IPMK: variants seen among roughly 807,000 people sequenced by gnomAD.
The protein encoded by IPMK is inositol 1,3,4,6-tetrakisphosphate 5-kinase.
IPMK carries 17 observed loss-of-function variants against 45.8 expected under a neutral mutation model. The observed-to-expected ratio is 0.37, with a 90% confidence interval of 0.25 to 0.56. The LOEUF is 0.56. IPMK is among the 20% of genes least tolerant of loss of function. The pLI is 0.79. For missense variants in IPMK, 399 were observed against 498.0 expected (o/e 0.80, Z 1.89); for synonymous variants, 180 against 184.3 (o/e 0.98, Z 0.19).
intron 3 of IPMK, among the ~76,000 whole-genome samples, chr10:58,217,662 T>C (rs954239249): frequency 8.9e-5 from 9 of 101,248 alleles, no homozygotes; most frequent in Non-Finnish European, 1.4e-4. Flanking sequence ...CACTCCAGCC[T>C]GGGCAACAAG....
intron 2 of IPMK, among the ~76,000 whole-genome samples, chr10:58,230,270 T>TCCC (rs1838493016): frequency 1.3e-5 from 2 of 152,150 alleles, no homozygotes; most frequent in South Asian, 4.1e-4. Flanking sequence ...GACTTAAACG[T>TCCC]CCCTGTCTGA....
At chr10:58,215,221 T>TTAGACCATCTATACCCAGC (rs1838226305) in intron 4 of IPMK, among the ~76,000 whole-genome samples, 1 of 152,172 alleles carries the variant, frequency 6.6e-6, no homozygotes, top group Non-Finnish European at 1.5e-5. Flanking sequence ...GAGAGTCATT[T>TTAGACCATCTATACCCAGC]TAGACCATCT....
intron 1 of IPMK, among the ~76,000 whole-genome samples, chr10:58,247,351 C>G (rs1259640425): frequency 6.6e-6 from 1 of 151,416 alleles, no homozygotes; most frequent in African/African-American, 2.5e-5. Flanking sequence ...AAGACACATG[C>G]ACACGTATGT....
chr10:58,249,188 T>A (rs1163108831), intron 1 of IPMK, among the ~76,000 whole-genome samples: 2 of 152,188 alleles, frequency 1.3e-5, no homozygotes, highest in Non-Finnish European at 2.9e-5. Context: ...CTTGGCAGCA[T>A]CTGCTATCCT....
chr10:58,216,538 A>G (rs1284520578), intron 3 of IPMK, among the ~76,000 whole-genome samples: 4 of 151,906 alleles, frequency 2.6e-5, no homozygotes, highest in African/African-American at 4.8e-5. Context: ...GGTGAATTAA[A>G]TAAATTCAAC....
intron 3 of IPMK, among the ~76,000 whole-genome samples, chr10:58,226,092 T>A (rs1838411268): frequency 6.6e-6 from 1 of 152,158 alleles, no homozygotes; most frequent in African/African-American, 2.4e-5. Context: ...AGAGGAATCA[T>A]AAATACTCAA....
chr10:58,253,842 T>C (rs898247492), intron 1 of IPMK, among the ~76,000 whole-genome samples: 12 of 152,114 alleles, frequency 7.9e-5, no homozygotes, highest in African/African-American at 2.7e-4. Flanking sequence ...CCTCCCTTCC[T>C]TCGAATATAG....
At chr10:58,222,138 G>C (rs766352485) in intron 3 of IPMK, among the ~76,000 whole-genome samples, 1 of 152,048 alleles carries the variant, frequency 6.6e-6, no homozygotes, top group South Asian at 2.1e-4. Context: ...TCCTACCTTC[G>C]CCTCCCAAAG....
intron 2 of IPMK, among the ~76,000 whole-genome samples, chr10:58,233,899 G>T (rs1455284989): frequency 6.6e-6 from 1 of 152,168 alleles, no homozygotes; most frequent in Non-Finnish European, 1.5e-5. Context: ...TAGATGACAT[G>T]ATTGTATATT....
At chr10:58,254,741 C>T (rs1180702516) in intron 1 of IPMK, among the ~76,000 whole-genome samples, 6 of 152,180 alleles carry the variant, frequency 3.9e-5, no homozygotes, top group African/African-American at 1.4e-4. Context: ...CCTGTTGTTT[C>T]TTCCTGTTCA....
intron 4 of IPMK, among the ~76,000 whole-genome samples, chr10:58,207,413 T>C (rs1451897672): frequency 1.3e-5 from 2 of 152,226 alleles, no homozygotes. Context: ...TTCTTTTCCT[T>C]TGGGTACCCA....
Position 58,208,911 on chromosome 10 carries a change from G to A in IPMK, c.546+7234C>T, listed in dbSNP as rs139071377. Among the ~76,000 whole-genome samples the A allele has an allele frequency of 8.5e-3, 1,298 of 152,274 alleles. 16 individuals carry two copies. Among genetic ancestry groups the A allele is most frequent in the African/African-American group, 0.029 (1,209 of 41,546 alleles). ...CAGCCTTGATGAGGGTAGCTGGGGT[G>A]GCTCTCAATTAGATGTGCTGAGGAT... is the stretch of plus-strand genomic sequence containing the variant. On this transcript the variant is annotated intron_variant, in intron 4 of 5. Transcript: ENST00000373935.
At chr10:58,243,526 C>A (rs1838731084) in intron 1 of IPMK, among the ~76,000 whole-genome samples, 1 of 152,182 alleles carries the variant, frequency 6.6e-6, no homozygotes, top group East Asian at 1.9e-4. Flanking sequence ...CGTGCCGCCA[C>A]TCCTGACTGG....
At chr10:58,260,293 A>T (rs995174933) in intron 1 of IPMK, among the ~76,000 whole-genome samples, 1 of 152,264 alleles carries the variant, frequency 6.6e-6, no homozygotes, top group East Asian at 1.9e-4. Flanking sequence ...AGTGCTCCCG[A>T]TAACAGGAAA....
chr10:58,261,733 C>G (rs1261434339), intron 1 of IPMK, among the ~76,000 whole-genome samples: 1 of 152,072 alleles, frequency 6.6e-6, no homozygotes, highest in African/African-American at 2.4e-5. Context: ...TAGGCGCCAC[C>G]AACACATCCG....
chr10:58,264,719 A>T (rs974836161), intron 1 of IPMK, among the ~76,000 whole-genome samples: 1 of 152,342 alleles, frequency 6.6e-6, no homozygotes. Context: ...ATGATTACAG[A>T]AATAGTTAAA....
Position 58,267,545 on chromosome 10 carries a change from G to C in IPMK, c.67C>G (p.Pro23Ala). The C allele has an allele frequency of 6.2e-7, 1 of 1,611,760 alleles. No individual in the cohort carries two copies. The highest frequency in any genetic ancestry group is 8.5e-7 in the Non-Finnish European group (1 of 1,179,186). ...CCCTCAGGGGTGGACTCGATCGCCG[G>C]TGAGGTCCGCATTTCTGGGGGGCCC... ...APGPPEMRTS[P>A]AIESTPEGTP... Residue 23 changes from proline (P) to alanine (A), a missense_variant, in exon 1 of 6, where the codon CCG (proline) becomes GCG (alanine). By Grantham distance (27) the Pro-to-Ala change is conservative. This residue lies in a region of IPMK where 111 missense variants were observed against 99.9 expected (regional missense o/e 1.11). Coordinates refer to ENST00000373935, the MANE Select transcript of IPMK (RefSeq NM_152230.5).
intron 1 of IPMK, among the ~76,000 whole-genome samples, chr10:58,248,182 G>A (rs1311384373): frequency 6.6e-6 from 1 of 151,424 alleles, no homozygotes; most frequent in Admixed American, 6.6e-5. Context: ...TGATAATAAA[G>A]TATATTATTA....
At chr10:58,204,066 A>G (rs1838036711) in intron 4 of IPMK, among the ~76,000 whole-genome samples, 1 of 70,936 alleles carries the variant, frequency 1.4e-5, no homozygotes, top group African/African-American at 1.6e-4. Context: ...CTGTTTTTTA[A>G]AAAAACATAA....
Sources: gnomAD v4.1 joint callset for allele counts (sites outside exome capture counted in the v4.1 genomes callset) on GRCh38, gnomAD v4.1.1 for gene constraint, gnomAD v4.1.1 regional missense constraint, MANE v1.5 for transcripts, NCBI Gene and HGNC (gene_info 2026-07-23, HGNC 2026-07-21) for gene names.